CHD3: variants seen among roughly 807,000 people sequenced by gnomAD.
CHD3 encodes the protein chromodomain helicase DNA binding protein 3, also known as ATP-dependent chromatin remodeler CHD3.
Under a neutral mutation model 248.9 loss-of-function variants are expected in CHD3, and 52 were observed. The observed-to-expected ratio is 0.21, with a 90% CI of 0.17 to 0.26. The LOEUF is 0.26. Among genes scored for constraint, CHD3 ranks in the 10% least tolerant of loss-of-function variants. CHD3 has a pLI of 1.00. For missense variants in CHD3, 1,482 were observed against 2,605.8 expected, an observed-to-expected ratio of 0.57 and a Z score of 9.39; for synonymous variants, 985 against 985.2, an observed-to-expected ratio of 1.00 and a Z score of 0.00.
intron 5 of CHD3, 48 bp downstream of exon 5, chr17:7,893,617 T>C: frequency 1.3e-6 from 2 of 1,535,864 alleles, no homozygotes; most frequent in African/African-American, 1.4e-5. Flanking sequence ...CCAAACTGCA[T>C]GTCTTCACAT....
At position 7,888,793 on chromosome 17, in the gene CHD3, C is replaced by G; in HGVS notation, c.-208C>G. 7.1e-7 allele frequency: 1 copy of G among 1,417,400 alleles called. No individual in the cohort carries two copies. Among genetic ancestry groups the G allele is most frequent in the Non-Finnish European group, 9.2e-7 (1 of 1,089,950 alleles). The allele number at this position is 1,417,400 out of a possible 1,614,324, so 87.8% of individuals were successfully genotyped here. On this transcript the variant is annotated 5_prime_UTR_variant, in exon 1 of 40. The change creates a new upstream start codon in the 5' untranslated region. Transcript: ENST00000330494. ...TGGGTGTGTCTGTCTGTGCCTATAT[C>G]TTTGTTTGGGTCTCCCATACTGCGT...
rs1480632720 is a variant in CHD3 at position 7,897,537 on chromosome 17, T to C, written c.1919+243T>C. On this transcript the variant is annotated intron_variant, in intron 11 of 39. Transcript: ENST00000330494. This position sits in a 1 kb window ranked among gnomAD's most constrained non-coding sequence, Gnocchi z 4.8. Reference sequence around the variant, plus strand: ...CTGTCATCTCCAGTGGCATAAGACATAGCACATGAGTCTGGGGATGAGGGC... The same window carrying C: ...CTGTCATCTCCAGTGGCATAAGACACAGCACATGAGTCTGGGGATGAGGGC... 6.6e-6 allele frequency among the ~76,000 whole-genome samples: 1 copy of C among 152,160 alleles called. No individual in the cohort carries two copies. The highest frequency in any genetic ancestry group is 2.1e-4 in the South Asian group (1 of 4,832).
chr17:7,911,120 C>A lies in CHD3; in HGVS notation c.5881+147C>A. On this transcript the variant is annotated intron_variant, in intron 39 of 39. Transcript: ENST00000330494. The surrounding 1 kb of genome is among the most constrained non-coding windows in gnomAD (Gnocchi z 5.4). ...ATGGGATAGAGTTGTTCTAGGCTGT[C>A]CCCCCACCCATCCCTTTCTTAACCC... The A allele has an allele frequency of 8.7e-7, 1 of 1,154,528 alleles. No individual in the cohort carries two copies. The allele number at this position is 1,154,528 out of a possible 1,614,324, so 71.5% of individuals were successfully genotyped here.
Position 7,895,048 on chromosome 17 carries a change from G to A in CHD3, c.1401G>A (p.Glu467=), listed in dbSNP as rs1969454945. ...GCCGCGTATGCAAGGACGGCGGGGA[G>A]CTCCTGTGCTGTGACGCGTGCATCT... ...EYCRVCKDGG[E]LLCCDACISS... is the part of the protein sequence containing the mutation. The change falls in exon 9 of 40, where the codon GAG becomes GAA. Residue 467 remains glutamate (E), a synonymous_variant. Coordinates refer to ENST00000330494, the MANE Select transcript of CHD3 (RefSeq NM_001005273.3). This position sits in a 1 kb window ranked among gnomAD's most constrained non-coding sequence, Gnocchi z 4.9. 6.2e-7 allele frequency: 1 copy of A among 1,614,012 alleles called. No homozygotes were observed. The highest frequency in any genetic ancestry group is 8.5e-7 in the Non-Finnish European group (1 of 1,180,032).
chr17:7,911,519 A>G lies in CHD3; in HGVS notation c.5937A>G (p.Ala1979=), dbSNP rs2151694863. Residue 1979 remains alanine (A), a synonymous_variant, in exon 40 of 40, where the codon GCA becomes GCG. Transcript: ENST00000330494. The surrounding 1 kb of genome is among the most constrained non-coding windows in gnomAD (Gnocchi z 5.4). ...AGAAGGAGAAGGAAATGGTGGGGGC[A>G]TTGGTGTCAGACGGGCTGGATCGGA... ...LVKKEKEMVG[A]LVSDGLDRKE... The G allele has an allele frequency of 6.2e-7, 1 of 1,614,174 alleles. No individual in the cohort carries two copies. Among genetic ancestry groups the G allele is most frequent in the Middle Eastern group, 1.7e-4 (1 of 6,060 alleles).
upstream of CHD3, among the ~76,000 whole-genome samples, chr17:7,888,065 T>G (rs2151438994): frequency 6.6e-6 from 1 of 152,262 alleles, no homozygotes; most frequent in African/African-American, 2.4e-5. Flanking sequence ...CAGCCTGCGT[T>G]TCCATGTTCA....
intron 5 of CHD3, 72 bp from the exon 6 acceptor site, chr17:7,893,733 C>T: frequency 6.4e-7 from 1 of 1,572,170 alleles, no homozygotes; most frequent in African/African-American, 1.4e-5. Flanking sequence ...TCCAGAGGCC[C>T]CTGTGACCTC....
At chr17:7,884,867 G>A, upstream of CHD3, 1 of 1,269,366 alleles carries the variant, frequency 7.9e-7, no homozygotes, top group East Asian at 3.1e-5. Flanking sequence ...GTCGGAGGAG[G>A]AAGAAGAGGA....
At chr17:7,887,544 A>ACCC (rs780940251), upstream of CHD3, among the ~76,000 whole-genome samples, 1 of 150,906 alleles carries the variant, frequency 6.6e-6, no homozygotes, top group African/African-American at 2.4e-5. Context: ...ATACAAACCC[A>ACCC]CCCCCTGCCT....
chr17:7,885,302 C>T (rs1300002247), upstream of CHD3: 2 of 188,892 alleles, frequency 1.1e-5, no homozygotes, highest in African/African-American at 5.4e-5. Context: ...CCGCCGCACC[C>T]CTCCCCCGCC....
intron 5 of CHD3, 40 bp from the exon 6 acceptor site, chr17:7,893,765 C>T: frequency 6.2e-7 from 1 of 1,607,082 alleles, no homozygotes; most frequent in Non-Finnish European, 8.5e-7. Flanking sequence ...GATGTCATGA[C>T]CTCTCCTTTT....
chr17:7,904,348 AT>A lies in CHD3; in HGVS notation c.3895-92del. On this transcript the variant is annotated intron_variant, in intron 24 of 39. Transcript: ENST00000330494. The surrounding 1 kb of genome is among the most constrained non-coding windows in gnomAD (Gnocchi z 4.4). ...GAAGCTGCAGGAGTGGGGAGACCGG[AT>A]TGGGCTGACGCAGCAGAGTAGGGAT... The A allele has an allele frequency of 1.6e-6, 2 of 1,217,560 alleles. No homozygotes were observed. The highest frequency in any genetic ancestry group is 2.3e-6 in the Non-Finnish European group (2 of 851,460). The allele number at this position is 1,217,560 out of a possible 1,614,324, so 75.4% of individuals were successfully genotyped here. A position where few individuals can be genotyped will look rare whatever the true frequency, so the allele number is the denominator to read the frequency against.
In CHD3 at chr17:7,903,343, A is replaced by T. The variant is rs1286222510; in HGVS notation, c.3567A>T (p.Ser1189=). Residue 1189 remains serine, a synonymous_variant, in exon 23 of 40, where the codon TCA becomes TCT. Transcript: ENST00000330494. This position sits in a 1 kb window ranked among gnomAD's most constrained non-coding sequence, Gnocchi z 6.8. ...VMIYRFVTRA[S]VEERITQVAK... Reference sequence around the variant, plus strand: ...TTTACCGGTTTGTGACTCGCGCGTCAGTGGAAGAGCGAATCACACAAGTGG... The same window carrying T: ...TTTACCGGTTTGTGACTCGCGCGTCTGTGGAAGAGCGAATCACACAAGTGG... 6.2e-7 allele frequency: 1 copy of T among 1,614,202 alleles called. No individual in the cohort carries two copies.
upstream of CHD3, among the ~76,000 whole-genome samples, chr17:7,886,147 C>T (rs2094312317): frequency 6.6e-6 from 1 of 152,208 alleles, no homozygotes; most frequent in South Asian, 2.1e-4. This position sits in a 1 kb window ranked among gnomAD's most constrained non-coding sequence, Gnocchi z 4.2. Flanking sequence ...CGTTGGGGGG[C>T]GTGAACTGCC....
At chr17:7,887,329 T>C (rs1412738704), upstream of CHD3, among the ~76,000 whole-genome samples, 1 of 152,148 alleles carries the variant, frequency 6.6e-6, no homozygotes, top group African/African-American at 2.4e-5. Flanking sequence ...CTCCTTACAT[T>C]GTTAAACGTT....
upstream of CHD3, chr17:7,885,141 G>C (rs1181122204): frequency 1.0e-6 from 1 of 982,652 alleles, no homozygotes; most frequent in African/African-American, 1.8e-5. Flanking sequence ...GGCGCGCGAA[G>C]CCGGGCGGGG....
In CHD3 at chr17:7,909,040, C is replaced by A; in HGVS notation, c.5395-103C>A. 2.0e-6 allele frequency: 3 copies of A among 1,478,382 alleles called. No homozygotes were observed. Among genetic ancestry groups the A allele is most frequent in the Non-Finnish European group, 1.8e-6 (2 of 1,091,566 alleles). 91.6% of individuals were successfully genotyped at this position (1,478,382 alleles called of 1,614,324 possible). On this transcript the variant is annotated intron_variant, in intron 36 of 39. Coordinates refer to ENST00000330494, the MANE Select transcript of CHD3 (RefSeq NM_001005273.3). The surrounding 1 kb of genome is among the most constrained non-coding windows in gnomAD (Gnocchi z 8.1). ...GGTTTGGAGCTGGGAGTGCCCTGGG[C>A]CAGCAGTGAGGGCAGGGTGGGTCTC...
chr17:7,889,411 T>A lies in CHD3; in HGVS notation c.101-253T>A, dbSNP rs1968495392. On this transcript the variant is annotated intron_variant, in intron 1 of 39. Transcript: ENST00000330494. This position sits in a 1 kb window ranked among gnomAD's most constrained non-coding sequence, Gnocchi z 4.5. ...GCCCATGGCCTGGAGCCTGGTCTCT[T>A]GTTAGTAGGAGGGGAGGGAGGGGAG... Among the ~76,000 whole-genome samples the A allele has an allele frequency of 6.6e-6, 1 of 152,152 alleles. No individual in the cohort carries two copies. Among genetic ancestry groups the A allele is most frequent in the Non-Finnish European group, 1.5e-5 (1 of 68,008 alleles).
rs780752390 is a variant in CHD3, at chr17:7,903,334, T to C, written c.3558T>C (p.Thr1186=). ...ANKVMIYRFV[T]RASVEERITQ... is the part of the protein sequence containing the mutation. ...AAGTGATGATTTACCGGTTTGTGAC[T>C]CGCGCGTCAGTGGAAGAGCGAATCA... is the stretch of plus-strand genomic sequence containing the variant. The change falls in exon 23 of 40, where the codon ACT becomes ACC. Residue 1186 remains threonine (T), a synonymous_variant. Coordinates refer to ENST00000330494, the MANE Select transcript of CHD3 (RefSeq NM_001005273.3). This position sits in a 1 kb window ranked among gnomAD's most constrained non-coding sequence, Gnocchi z 6.8. The C allele has an allele frequency of 3.7e-6, 6 of 1,614,174 alleles. No homozygotes were observed. In the South Asian group the frequency reaches 5.5e-5, roughly 15 times the overall value.
Sources: allele counts gnomAD v4.1 joint callset (sites outside exome capture counted in the v4.1 genomes callset), GRCh38; gene constraint gnomAD v4.1.1; non-coding constraint Gnocchi (gnomAD v3.1); transcripts MANE v1.5; gene names NCBI Gene and HGNC (gene_info 2026-07-23, HGNC 2026-07-21).